PRSS54: variants seen among roughly 807,000 people sequenced by gnomAD.
PRSS54 encodes serine protease 54.
In PRSS54, 16 loss-of-function variants were observed where a neutral mutation model predicts 19.9. The ratio of observed to expected loss-of-function variants is 0.80; its 90% CI spans 0.54 to 1.22. The LOEUF (loss-of-function observed/expected upper bound fraction) is 1.22, where lower values mean the gene tolerates loss of function less well. Ranked by LOEUF, PRSS54 falls within the 50% of genes most tolerant of loss-of-function variation. The probability of loss-of-function intolerance (pLI) is 0.00; values close to 1 mark genes in which losing one functional copy is unlikely to be tolerated. For synonymous variants in PRSS54, 177 were observed against 195.8 expected (o/e 0.90, Z 0.80); for missense variants, 444 against 494.8 (o/e 0.90, Z 0.97).
rs1425656613 is a variant in PRSS54, at chr16:58,295,006, A to G, written c.-351T>C. The G allele has an allele frequency of 6.5e-6, 1 of 152,698 alleles. No individual in the cohort carries two copies. Among genetic ancestry groups the G allele is most frequent in the East Asian group, 1.9e-4 (1 of 5,194 alleles). 9.5% of individuals were successfully genotyped at this position (152,698 alleles called of 1,614,324 possible). A position where few individuals can be genotyped will look rare whatever the true frequency, so the allele number is the denominator to read the frequency against. On this transcript the variant is annotated 5_prime_UTR_variant, in exon 1 of 7. Transcript: ENST00000567164. ...GGCTGGCCTGACACAGTAGAGTTCA[A>G]CAGAAGGATTTCTTCTACTGCCTTG...
chr16:58,285,744 A>AAAAAAAAAAAAAAAGAAG (rs146167626), intron 5 of PRSS54, among the ~76,000 whole-genome samples, 193 bp downstream of exon 5: 5 of 77,364 alleles, frequency 6.5e-5, no homozygotes, highest in African/African-American at 3.6e-4. Flanking sequence ...AAAAAAAAAA[A>AAAAAAAAAAAAAAAGAAG]AAGAAGAAGA....
intron 3 of PRSS54, among the ~76,000 whole-genome samples, chr16:58,293,222 C>G (rs952499822): frequency 6.6e-6 from 1 of 152,078 alleles, no homozygotes; most frequent in African/African-American, 2.4e-5. Flanking sequence ...CTAGCTGTCT[C>G]CCCTCCACCT....
chr16:58,292,051 C>T (rs767766323), intron 3 of PRSS54, among the ~76,000 whole-genome samples: 4 of 152,184 alleles, frequency 2.6e-5, no homozygotes, highest in Non-Finnish European at 5.9e-5. Flanking sequence ...GCCTCAGCCT[C>T]CTGAGTAGCT....
At chr16:58,282,462 C>T (rs2142628860) in intron 6 of PRSS54, 2 of 152,446 alleles carry the variant, frequency 1.3e-5, no homozygotes, top group South Asian at 4.1e-4. Context: ...TAAAGCTCCT[C>T]TTTTCCAAGG....
intron 6 of PRSS54, chr16:58,282,018 T>A (rs1964766092): frequency 6.6e-6 from 1 of 150,444 alleles, no homozygotes; most frequent in African/African-American, 2.5e-5. Context: ...AATTTTTTTT[T>A]TTTTTTTTGA....
At chr16:58,294,258 T>C (rs1965099895) in intron 1 of PRSS54, 49 bp from the exon 2 acceptor site, 1 of 188,382 alleles carries the variant, frequency 5.3e-6, no homozygotes, top group African/African-American at 2.3e-5. Context: ...CTGGGATTAA[T>C]GCCTCTGCTG....
intron 1 of PRSS54, 22 bp from the exon 2 acceptor site, chr16:58,294,231 T>C (rs1965099368): frequency 5.1e-6 from 1 of 197,182 alleles, no homozygotes; most frequent in Non-Finnish European, 1.1e-5. Context: ...AAAGTAGAGT[T>C]TTAGTGGAAG....
intron 3 of PRSS54, among the ~76,000 whole-genome samples, chr16:58,291,641 C>G (rs528904095): frequency 3.3e-5 from 5 of 152,110 alleles, no homozygotes; most frequent in South Asian, 2.1e-4. Context: ...GCCACTACCC[C>G]CCGGCTAAAT....
intron 6 of PRSS54, 80 bp downstream of exon 6, chr16:58,284,510 G>T: frequency 6.6e-7 from 1 of 1,512,730 alleles, no homozygotes; most frequent in Non-Finnish European, 9.1e-7. Context: ...CCCCATCTAG[G>T]GAAGGGGAGT....
chr16:58,293,906 A>G (rs749118005), intron 2 of PRSS54, 79 bp downstream of exon 2: 36 of 1,144,594 alleles, frequency 3.1e-5, no homozygotes, highest in Middle Eastern at 1.9e-4. Context: ...TCCTCTTCCC[A>G]AACACACATG....
At chr16:58,290,493 G>C (rs559594180) in intron 4 of PRSS54, among the ~76,000 whole-genome samples, 1 of 152,276 alleles carries the variant, frequency 6.6e-6, no homozygotes, top group South Asian at 2.1e-4. Context: ...AGTAGAAATC[G>C]TGCGTTCTGA....
At chr16:58,287,229 G>A (rs962107367) in intron 4 of PRSS54, among the ~76,000 whole-genome samples, 3 of 152,206 alleles carry the variant, frequency 2.0e-5, no homozygotes, top group Non-Finnish European at 2.9e-5. Flanking sequence ...TATCTCTATA[G>A]TTTGGAGTAG....
At chr16:58,289,638 CTT>C (rs1400874631) in intron 4 of PRSS54, among the ~76,000 whole-genome samples, 1 of 151,206 alleles carries the variant, frequency 6.6e-6, no homozygotes, top group East Asian at 1.9e-4. Flanking sequence ...GTGGCACAAT[CTT>C]AGTTCACTGC....
intron 3 of PRSS54, among the ~76,000 whole-genome samples, chr16:58,292,547 G>A (rs1965058364): frequency 1.0e-5 from 1 of 97,592 alleles, no homozygotes; most frequent in Non-Finnish European, 2.1e-5. Flanking sequence ...GAGCACAGAG[G>A]ACCTCTCCAT....
Position 58,280,071 on chromosome 16 carries a change from T to G in PRSS54, c.*153A>C. ...GACCTTCCCACACCTGGGAGAGGGATAGAGGAGGGAGAGCCAGCCCAGTGT... is the reference window on the plus strand; with the variant it reads ...GACCTTCCCACACCTGGGAGAGGGAGAGAGGAGGGAGAGCCAGCCCAGTGT... On this transcript the variant is annotated 3_prime_UTR_variant, in exon 7 of 7. Transcript: ENST00000567164. The G allele has an allele frequency of 1.4e-6, 1 of 733,142 alleles. No individual in the cohort carries two copies. The highest frequency in any genetic ancestry group is 1.9e-5 in the South Asian group (1 of 52,332). The allele number at this position is 733,142 out of a possible 1,614,324, so 45.4% of individuals were successfully genotyped here. A position where few individuals can be genotyped will look rare whatever the true frequency, so the allele number is the denominator to read the frequency against.
At chr16:58,287,420 C>T (rs867243436) in intron 4 of PRSS54, among the ~76,000 whole-genome samples, 9 of 152,318 alleles carry the variant, frequency 5.9e-5, no homozygotes, top group Admixed American at 1.3e-4. Context: ...GAGGTAACAA[C>T]GCTGTGCTGA....
rs1964913637 is a variant in PRSS54, at chr16:58,286,040, T to G, written c.419A>C (p.His140Pro). The change falls in exon 5 of 7, where the codon CAT becomes CCT. Residue 140 changes from histidine to proline, a missense_variant. By Grantham distance (77) the His-to-Pro change is moderately conservative (BLOSUM62 -2). Transcript: ENST00000567164. Reference protein sequence around the residue: ...IALLKTDTAMHFGNLVQSICF... With the variant: ...IALLKTDTAMPFGNLVQSICF... The stretch of plus-strand genomic sequence containing the variant: ...GATGGACTGGACCAGGTTGCCAAAA[T>G]GCATCGCTGTGTCTGTCTTCAGGAG... 1 of 1,614,092 alleles carries G rather than the reference T, an allele frequency of 6.2e-7. No homozygotes were observed. Among genetic ancestry groups the G allele is most frequent in the African/African-American group, 1.3e-5 (1 of 74,930 alleles).
rs1469804242 is a variant in PRSS54 at position 58,290,934 on chromosome 16, G to T, written c.263+25C>A. 3.1e-6 allele frequency: 5 copies of T among 1,610,812 alleles called. No homozygotes were observed. The African/African-American group carries it at 4.0e-5, about 13-fold the overall frequency. On this transcript the variant is annotated intron_variant, in intron 4 of 6. Transcript: ENST00000567164. ...CCACCCTCACCCCCGGCGATGTTGC[G>T]GGCCCCAAAGGCAGGGGCACTGGCC...
In PRSS54 at chr16:58,284,617, C is replaced by T. The variant is rs149233872; in HGVS notation, c.627G>A (p.Thr209=). ...KLQKTECGSH[T]KEETKTACLG... is the part of the protein sequence containing the mutation. ...AGCAGGCAGTCTTGGTTTCCTCTTT[C>T]GTGTGGCTGCCGCATTCTGTCTTCT... The change falls in exon 6 of 7, where the codon ACG becomes ACA. Residue 209 remains threonine (T), a synonymous_variant. Coordinates refer to ENST00000567164, the MANE Select transcript of PRSS54 (RefSeq NM_001305173.2). 2.0e-5 allele frequency: 33 copies of T among 1,613,914 alleles called. No individual in the cohort carries two copies. Among genetic ancestry groups the T allele is most frequent in the African/African-American group, 1.2e-4 (9 of 74,904 alleles).
Sources: gnomAD v4.1 joint callset for allele counts (sites outside exome capture counted in the v4.1 genomes callset) on GRCh38, gnomAD v4.1.1 for gene constraint, MANE v1.5 for transcripts, NCBI Gene and HGNC (gene_info 2026-07-23, HGNC 2026-07-21) for gene names.